ETFBKMT: variants seen among roughly 807,000 people sequenced by gnomAD.
ETFBKMT encodes the protein electron transfer flavoprotein subunit beta lysine methyltransferase.
Under a neutral mutation model 18.3 loss-of-function variants are expected in ETFBKMT, and 13 were observed. That is an observed-to-expected ratio of 0.71 (90% CI 0.46 to 1.13). The LOEUF is 1.13. ETFBKMT is among the 50% of genes most tolerant of loss of function. ETFBKMT has a pLI of 0.00. For missense variants in ETFBKMT, 293 were observed against 306.2 expected (o/e 0.96, Z 0.32); for synonymous variants, 84 against 107.9 (o/e 0.78, Z 1.37).
At chr12:31,649,032 C>CA (rs34970071) in intron 1 of ETFBKMT, among the ~76,000 whole-genome samples, 94,689 of 151,716 alleles carry the variant, frequency 0.62, 29,697 homozygotes, top group East Asian at 0.72. Context: ...GGCTGGAGTG[C>CA]AGTGGCGTGC....
chr12:31,661,812 C>T, intron 1 of ETFBKMT, 29 bp from the exon 2 acceptor site: 1 of 753,310 alleles, frequency 1.3e-6, no homozygotes, highest in Non-Finnish European at 2.2e-6. Context: ...CCTCAGAATT[C>T]TCAGTATTAC....
intron 2 of ETFBKMT, among the ~76,000 whole-genome samples, chr12:31,662,981 G>A (rs1951145890): frequency 6.6e-6 from 1 of 152,076 alleles, no homozygotes; most frequent in African/African-American, 2.4e-5. Flanking sequence ...CTTCTGTTGG[G>A]TGCAGTGCCT....
chr12:31,667,848 T>C lies in ETFBKMT; in HGVS notation c.647T>C (p.Ile216Thr), dbSNP rs1951218691. ...TGGACCTATAGAACTCGAGTACTGATTGGTGACCCTGGGCGGCCCCAGTTC... is the reference window on the plus strand; with the variant it reads ...TGGACCTATAGAACTCGAGTACTGACTGGTGACCCTGGGCGGCCCCAGTTC... ...CFWTYRTRVL[I>T]GDPGRPQFSG... Residue 216 changes from isoleucine (I) to threonine (T), a missense_variant, in exon 4 of 4, where the codon ATT becomes ACT. Transcript: ENST00000357721. The C allele has an allele frequency of 1.2e-6, 2 of 1,614,216 alleles. No individual in the cohort carries two copies. The highest frequency in any genetic ancestry group is 1.7e-6 in the Non-Finnish European group (2 of 1,180,032).
rs75093514 is a variant in ETFBKMT at position 31,669,658 on chromosome 12, G to A, written c.*1668G>A. ...AAGTGTGGTGTCTCCCCTAGGAGTGGGCCCCCTGGAGTTTGTTTGTTTTAA... is the reference window on the plus strand; with the variant it reads ...AAGTGTGGTGTCTCCCCTAGGAGTGAGCCCCCTGGAGTTTGTTTGTTTTAA... On this transcript the variant is annotated 3_prime_UTR_variant, in exon 4 of 4. Coordinates refer to ENST00000357721, the MANE Select transcript of ETFBKMT (RefSeq NM_001135863.2). 10,436 of 152,110 alleles carry A rather than the reference G, an allele frequency of 0.069. 525 individuals are homozygous for A. Among genetic ancestry groups the A allele is most frequent in the East Asian group, 0.21 (1,086 of 5,158 alleles). The allele number at this position is 152,110 out of a possible 1,614,324, so 9.4% of individuals were successfully genotyped here.
At chr12:31,662,348 C>A in intron 2 of ETFBKMT, 81 bp downstream of exon 2, 2 of 1,344,072 alleles carry the variant, frequency 1.5e-6, no homozygotes, top group Admixed American at 2.0e-5. Flanking sequence ...AAAACCAGAG[C>A]AATGCTAGGC....
At chr12:31,650,250 T>A (rs185008420) in intron 1 of ETFBKMT, among the ~76,000 whole-genome samples, 1 of 151,896 alleles carries the variant, frequency 6.6e-6, no homozygotes, top group Admixed American at 6.6e-5. Context: ...AAAACCAAGA[T>A]GGCAACGAGA....
chr12:31,661,913 C>T lies in ETFBKMT; in HGVS notation c.-41C>T. The T allele has an allele frequency of 6.3e-7, 1 of 1,584,604 alleles. No individual in the cohort carries two copies. Among genetic ancestry groups the T allele is most frequent in the Non-Finnish European group, 8.6e-7 (1 of 1,159,162 alleles). On this transcript the variant is annotated 5_prime_UTR_variant, in exon 2 of 4. Transcript: ENST00000357721. ...ATTCTCCTTGAGAAGCAGCTATTAT[C>T]AACAGAACATTGACAGAACCTGTGT...
Position 31,671,990 on chromosome 12 carries a change from G to A in ETFBKMT, c.*4000G>A, listed in dbSNP as rs961729116. On this transcript the variant is annotated 3_prime_UTR_variant, in exon 4 of 4. Transcript: ENST00000357721. ...TACATAGGAGAAGGAAATCTCAAGG[G>A]AAAACAGTTAATTTTAAAGTTATTT... 9.5e-5 allele frequency: 20 copies of A among 211,412 alleles called. No individual in the cohort carries two copies. The highest frequency in any genetic ancestry group is 1.8e-4 in the Non-Finnish European group (19 of 106,180). The allele number at this position is 211,412 out of a possible 1,614,324, so 13.1% of individuals were successfully genotyped here.
upstream of ETFBKMT, among the ~76,000 whole-genome samples, chr12:31,658,926 C>CTTTTTT (rs10716608): frequency 7.3e-6 from 1 of 137,282 alleles, no homozygotes; most frequent in South Asian, 2.3e-4. Context: ...TATACTGTGT[C>CTTTTTT]TTTTTTTTTT....
At chr12:31,655,066 C>CAAA (rs772429943), upstream of ETFBKMT, among the ~76,000 whole-genome samples, 2 of 41,460 alleles carry the variant, frequency 4.8e-5, no homozygotes, top group Non-Finnish European at 1.3e-4. Context: ...ATGAAACAAA[C>CAAA]AAACAAACAA....
intron 1 of ETFBKMT, among the ~76,000 whole-genome samples, chr12:31,647,764 G>T (rs1185409071): frequency 2.6e-5 from 4 of 152,154 alleles, no homozygotes; most frequent in Non-Finnish European, 5.9e-5. Context: ...GGGAGGCGAA[G>T]GTTGCAGTGA....
rs151073238 is a variant in ETFBKMT, at chr12:31,670,725, A to C, written c.*2735A>C. On this transcript the variant is annotated 3_prime_UTR_variant, in exon 4 of 4. Coordinates refer to ENST00000357721, the MANE Select transcript of ETFBKMT (RefSeq NM_001135863.2). Reference sequence around the variant, plus strand: ...TGGGTATTTCTTTCTTTCCTCCTTTATTTCTTTCCATATTTACTTATTCAA... The same window carrying C: ...TGGGTATTTCTTTCTTTCCTCCTTTCTTTCTTTCCATATTTACTTATTCAA... 7.9e-3 allele frequency: 1,198 copies of C among 151,634 alleles called. 10 individuals carry two copies. Among genetic ancestry groups the C allele is most frequent in the Non-Finnish European group, 0.012 (828 of 67,912 alleles). 9.4% of individuals were successfully genotyped at this position (151,634 alleles called of 1,614,324 possible).
Position 31,652,516 on chromosome 12 carries a change from G to A in ETFBKMT, c.-114+5261G>A, listed in dbSNP as rs74085123. Among the ~76,000 whole-genome samples the A allele has an allele frequency of 7.0e-3, 1,060 of 152,202 alleles. 10 individuals are homozygous for A. The highest frequency in any genetic ancestry group is 0.025 in the African/African-American group (1,019 of 41,506). The stretch of plus-strand genomic sequence containing the variant: ...CTGTTCTGGCCATTTTCTTCAGGTC[G>A]TCGCCCCTTTCATCTTGTGAGAGTC... On this transcript the variant is annotated intron_variant, in intron 1 of 3. Transcript: ENST00000412352.
At chr12:31,666,253 C>CTTTT in intron 3 of ETFBKMT, 36 bp downstream of exon 3, 1 of 1,429,316 alleles carries the variant, frequency 7.0e-7, no homozygotes, top group Non-Finnish European at 9.4e-7. Flanking sequence ...TAAGGCTCAT[C>CTTTT]TTTTTTTTTT....
At chr12:31,660,282 T>C (rs2139618454) in intron 1 of ETFBKMT, among the ~76,000 whole-genome samples, 1 of 152,152 alleles carries the variant, frequency 6.6e-6, no homozygotes, top group Non-Finnish European at 1.5e-5. Context: ...TTTTGAACTG[T>C]TTGAAAACAG....
chr12:31,666,230 A>G lies in ETFBKMT; in HGVS notation c.445+13A>G. On this transcript the variant is annotated intron_variant, in intron 3 of 3. Coordinates refer to ENST00000357721, the MANE Select transcript of ETFBKMT (RefSeq NM_001135863.2). ...GACATAGACCCTAGTAAGGATTCATATTTTAAAATATTTAAGGCTCATCTT... is the reference window on the plus strand; with the variant it reads ...GACATAGACCCTAGTAAGGATTCATGTTTTAAAATATTTAAGGCTCATCTT... 6.3e-7 allele frequency: 1 copy of G among 1,598,624 alleles called. No homozygotes were observed. Among genetic ancestry groups the G allele is most frequent in the Non-Finnish European group, 8.5e-7 (1 of 1,175,690 alleles).
At position 31,662,004 on chromosome 12, in the gene ETFBKMT, C is replaced by G; in HGVS notation, c.51C>G (p.Leu17=). ...CACACAGGAACCACTGTGGTCTCCT[C>G]TTGCAGGCTCTGCGAAGCAGTGGTC... ...WKAHRNHCGL[L]LQALRSSGLL... Residue 17 remains leucine (L), a synonymous_variant, in exon 2 of 4, where the codon CTC becomes CTG. Transcript: ENST00000357721. 1.2e-6 allele frequency: 2 copies of G among 1,614,222 alleles called. No individual in the cohort carries two copies. Among genetic ancestry groups the G allele is most frequent in the Non-Finnish European group, 1.7e-6 (2 of 1,180,030 alleles).
At position 31,667,812 on chromosome 12, in the gene ETFBKMT, A is replaced by C. The variant is rs866822826; in HGVS notation, c.611A>C (p.Lys204Thr). The C allele has an allele frequency of 6.2e-7, 1 of 1,614,218 alleles. No individual in the cohort carries two copies. ...GCAGATAGTCTTCATCAGTGGCTGA[A>C]GAAGTGCTTCTGGACCTATAGAACT... ...DLADSLHQWL[K>T]KCFWTYRTRV... Residue 204 changes from lysine to threonine, a missense_variant, in exon 4 of 4, where the codon AAG becomes ACG. Coordinates refer to ENST00000357721, the MANE Select transcript of ETFBKMT (RefSeq NM_001135863.2).
chr12:31,661,636 T>A (rs1951125316), intron 1 of ETFBKMT, among the ~76,000 whole-genome samples: 1 of 152,170 alleles, frequency 6.6e-6, no homozygotes, highest in African/African-American at 2.4e-5. Flanking sequence ...ATTTTTTGTA[T>A]TTTTAGTAGA....
Sources: allele counts gnomAD v4.1 joint callset (sites outside exome capture counted in the v4.1 genomes callset), GRCh38; gene constraint gnomAD v4.1.1; transcripts MANE v1.5; gene names NCBI Gene and HGNC (gene_info 2026-07-23, HGNC 2026-07-21).